The following PIP5K1B variants were observed in gnomAD, a reference collection of about 807,000 sequenced individuals.
The protein encoded by PIP5K1B is phosphatidylinositol-4-phosphate 5-kinase type 1 beta, also known as phosphatidylinositol 4-phosphate 5-kinase type-1 beta.
In PIP5K1B, 42 loss-of-function variants were observed where a neutral mutation model predicts 67.0. The ratio of observed to expected loss-of-function variants is 0.63; its 90% confidence interval spans 0.49 to 0.81. The LOEUF is 0.81. PIP5K1B is among the 30% of genes least tolerant of loss of function. The pLI, the probability that PIP5K1B is intolerant of heterozygous loss-of-function variation, is 0.00. For synonymous variants in PIP5K1B, 214 were observed against 231.4 expected (o/e 0.92, Z 0.68); for missense variants, 459 against 646.3 (o/e 0.71, Z 3.14).
intron 1 of PIP5K1B, among the ~76,000 whole-genome samples, chr9:68,736,695 C>G (rs779023020): frequency 6.6e-6 from 1 of 152,222 alleles, no homozygotes; most frequent in South Asian, 2.1e-4. Context: ...ATCTTCAAAC[C>G]TCACCTCTGC....
intron 3 of PIP5K1B, 168 bp from the exon 4 acceptor site, chr9:68,822,447 G>C (rs1833775490): frequency 1.9e-6 from 1 of 516,144 alleles, no homozygotes; most frequent in African/African-American, 2.0e-5. Flanking sequence ...AAGGAATGCA[G>C]ATTTCTTTTT....
At chr9:68,840,028 G>A (rs11143976) in intron 4 of PIP5K1B, among the ~76,000 whole-genome samples, 8,573 of 152,250 alleles carry the variant, frequency 0.056, 478 homozygotes, top group African/African-American at 0.14. Flanking sequence ...GGGGCTAGTG[G>A]GATAAAGAGT....
At chr9:68,869,844 A>G (rs1823545807) in intron 5 of PIP5K1B, among the ~76,000 whole-genome samples, 1 of 152,158 alleles carries the variant, frequency 6.6e-6, no homozygotes, top group South Asian at 2.1e-4. Flanking sequence ...ATAAATAAAA[A>G]AGAAAAAGAT....
intron 2 of PIP5K1B, among the ~76,000 whole-genome samples, chr9:68,764,738 A>C (rs1830350124): frequency 6.6e-6 from 1 of 152,138 alleles, no homozygotes; most frequent in South Asian, 2.1e-4. Context: ...TATGCTAGTT[A>C]CAGGTGATAA....
At chr9:69,001,338 C>G (rs1331343497) in intron 15 of PIP5K1B, among the ~76,000 whole-genome samples, 1 of 152,076 alleles carries the variant, frequency 6.6e-6, no homozygotes, top group Non-Finnish European at 1.5e-5. Flanking sequence ...AAACCAGTAC[C>G]ATATTCCTCC....
chr9:68,979,151 G>C (rs1829773831), intron 14 of PIP5K1B, among the ~76,000 whole-genome samples: 1 of 152,158 alleles, frequency 6.6e-6, no homozygotes, highest in South Asian at 2.1e-4. Context: ...ACACAGGAAA[G>C]GGCTAATTTT....
intron 11 of PIP5K1B, among the ~76,000 whole-genome samples, chr9:68,921,829 C>T (rs551663558): frequency 1.3e-5 from 2 of 151,868 alleles, no homozygotes; most frequent in African/African-American, 2.4e-5. Context: ...CCAGCCTGGG[C>T]GACAGAGCGA....
At chr9:68,724,254 T>C (rs1314282743) in intron 1 of PIP5K1B, among the ~76,000 whole-genome samples, 1 of 151,738 alleles carries the variant, frequency 6.6e-6, no homozygotes, top group Non-Finnish European at 1.5e-5. Context: ...TTTTTTTGTT[T>C]TTTGTTTTAG....
At chr9:68,989,805 C>G (rs915136859) in intron 14 of PIP5K1B, among the ~76,000 whole-genome samples, 2 of 152,068 alleles carry the variant, frequency 1.3e-5, no homozygotes, top group African/African-American at 4.8e-5. Flanking sequence ...CATGGTGAAA[C>G]CCCGTCTCTA....
chr9:68,732,914 G>A (rs1185181289), intron 1 of PIP5K1B, among the ~76,000 whole-genome samples: 1 of 110,676 alleles, frequency 9.0e-6, no homozygotes, highest in Admixed American at 8.5e-5. Flanking sequence ...GTGGAGGTGG[G>A]TTGGGGGGGG....
At chr9:68,724,234 T>TG (rs61074853) in intron 1 of PIP5K1B, among the ~76,000 whole-genome samples, 1 of 81,866 alleles carries the variant, frequency 1.2e-5, no homozygotes, top group Non-Finnish European at 2.3e-5. Flanking sequence ...GTGTTTTTTT[T>TG]GGGTTTTTTT....
chr9:68,748,613 C>CTTT (rs58954806), intron 2 of PIP5K1B, among the ~76,000 whole-genome samples: 1,299 of 97,746 alleles, frequency 0.013, 1 homozygote, highest in Non-Finnish European at 0.017. Flanking sequence ...GATTTCTTTT[C>CTTT]TTTTTTTTTT....
intron 14 of PIP5K1B, among the ~76,000 whole-genome samples, chr9:68,955,917 A>G (rs1008832542): frequency 1.3e-5 from 2 of 152,204 alleles, no homozygotes; most frequent in African/African-American, 4.8e-5. Context: ...CTTTACAGAT[A>G]TTATTTTATT....
chr9:68,991,255 T>G lies in PIP5K1B; in HGVS notation c.1618T>G (p.Leu540Val), dbSNP rs1830352510. 2 of 1,563,982 alleles carry G rather than the reference T, an allele frequency of 1.3e-6. No individual in the cohort carries two copies. Among genetic ancestry groups the G allele is most frequent in the Non-Finnish European group, 1.8e-6 (2 of 1,134,320 alleles). ...DDNASVLDVY[L>V] Reference sequence around the variant, plus strand: ...CAATGCTTCTGTGCTTGACGTCTATTTAGTAAGTAATTTTTTAGTTTCCTC... The same window carrying G: ...CAATGCTTCTGTGCTTGACGTCTATGTAGTAAGTAATTTTTTAGTTTCCTC... Residue 540 changes from leucine to valine, a missense_variant and splice_region_variant, in exon 15 of 16, where the codon TTA (leucine) becomes GTA (valine). Physicochemically the swap from Leu to Val is conservative, Grantham distance 32. Transcript: ENST00000265382.
At chr9:68,907,056 A>G (rs1010540594) in intron 8 of PIP5K1B, among the ~76,000 whole-genome samples, 1 of 152,238 alleles carries the variant, frequency 6.6e-6, no homozygotes, top group Non-Finnish European at 1.5e-5. Flanking sequence ...TTAATTATCT[A>G]TGAATCCTTT....
chr9:68,763,712 G>A lies in PIP5K1B; in HGVS notation c.-86+21055G>A, dbSNP rs1830294140. Among the ~76,000 whole-genome samples the A allele has an allele frequency of 2.0e-5, 3 of 152,128 alleles. No homozygotes were observed. In the South Asian group the frequency reaches 6.2e-4, roughly 32 times the overall value. On this transcript the variant is annotated intron_variant, in intron 2 of 15. Transcript: ENST00000265382. The stretch of plus-strand genomic sequence containing the variant: ...TGCATACTACTTGAAATCATTTAGA[G>A]AGACTGATGAAGAAAAATGCCATTT...
intron 2 of PIP5K1B, among the ~76,000 whole-genome samples, chr9:68,779,230 T>C (rs1200254267): frequency 6.6e-6 from 1 of 152,242 alleles, no homozygotes; most frequent in Admixed American, 6.5e-5. Context: ...GAATTGTGGT[T>C]TCATTTTTAA....
intron 14 of PIP5K1B, among the ~76,000 whole-genome samples, chr9:68,965,040 G>A (rs1421381871): frequency 6.6e-6 from 1 of 152,188 alleles, no homozygotes; most frequent in Non-Finnish European, 1.5e-5. Flanking sequence ...AAATTGTAAG[G>A]TTATATGGCC....
intron 2 of PIP5K1B, among the ~76,000 whole-genome samples, chr9:68,810,660 G>C (rs1833113622): frequency 6.6e-6 from 1 of 152,144 alleles, no homozygotes; most frequent in South Asian, 2.1e-4. Flanking sequence ...TGGGGAATTA[G>C]AGGTTGAAAG....
Sources: gnomAD v4.1 joint callset for allele counts (sites outside exome capture counted in the v4.1 genomes callset) on GRCh38, gnomAD v4.1.1 for gene constraint, MANE v1.5 for transcripts, NCBI Gene and HGNC (gene_info 2026-07-23, HGNC 2026-07-21) for gene names.